FBXO21: variants seen among roughly 807,000 people sequenced by gnomAD.
FBXO21 encodes F-box only protein 21.
In FBXO21, 32 loss-of-function variants were observed where a neutral mutation model predicts 76.6. That is an observed-to-expected ratio of 0.42 (90% CI 0.32 to 0.56). FBXO21 has a LOEUF of 0.56. FBXO21 is among the 20% of genes least tolerant of loss of function. The pLI, the probability that FBXO21 is intolerant of heterozygous loss-of-function variation, is 0.16. For synonymous variants in FBXO21, 328 were observed against 311.5 expected (o/e 1.05, Z -0.56); for missense variants, 586 against 797.3 (o/e 0.73, Z 3.19).
chr12:117,183,939 C>T (rs1244997460), intron 3 of FBXO21, among the ~76,000 whole-genome samples: 6 of 151,972 alleles, frequency 3.9e-5, no homozygotes, highest in Non-Finnish European at 7.4e-5. Context: ...CCATTTTTTC[C>T]CTCTGAGTTT....
intron 9 of FBXO21, among the ~76,000 whole-genome samples, chr12:117,162,489 G>C (rs1955992276): frequency 6.6e-6 from 1 of 152,152 alleles, no homozygotes. Flanking sequence ...CTACCCTATA[G>C]GGCTGCTAAG....
At chr12:117,167,147 T>C in intron 7 of FBXO21, 70 bp from the exon 8 acceptor site, 1 of 1,172,788 alleles carries the variant, frequency 8.5e-7, no homozygotes, top group Non-Finnish European at 1.2e-6. Flanking sequence ...AGTAAGTAGC[T>C]CAAATCATGG....
At position 117,166,990 on chromosome 12, in the gene FBXO21, G is replaced by A. The variant is rs762601208; in HGVS notation, c.1101C>T (p.Ile367=). 8.7e-6 allele frequency: 14 copies of A among 1,613,866 alleles called. No individual in the cohort carries two copies. Among genetic ancestry groups the A allele is most frequent in the African/African-American group, 2.7e-5 (2 of 74,886 alleles). ...ACAGTGCTGCAGTCACGTGCTGGCCGATCAAGTACTCGCATTCTTTCACTG... is the reference window on the plus strand; with the variant it reads ...ACAGTGCTGCAGTCACGTGCTGGCCAATCAAGTACTCGCATTCTTTCACTG... ...QLTVKECEYL[I]GQHVTAALYG... The change falls in exon 8 of 12, where the codon ATC becomes ATT. Residue 367 remains isoleucine (I), a synonymous_variant. Transcript: ENST00000622495.
intron 3 of FBXO21, among the ~76,000 whole-genome samples, chr12:117,183,478 T>C (rs1956255311): frequency 6.6e-6 from 1 of 152,326 alleles, no homozygotes; most frequent in African/African-American, 2.4e-5. Context: ...CAGGCTGGTG[T>C]CGAACTCCTG....
At chr12:117,176,042 C>G (rs565840009) in intron 4 of FBXO21, among the ~76,000 whole-genome samples, 55 of 152,260 alleles carry the variant, frequency 3.6e-4, no homozygotes, top group African/African-American at 1.3e-3. Context: ...TCAACTGAAA[C>G]AGATGTTTCA....
chr12:117,188,446 G>A (rs565013376), intron 2 of FBXO21, among the ~76,000 whole-genome samples: 14 of 152,232 alleles, frequency 9.2e-5, no homozygotes, highest in African/African-American at 3.1e-4. Flanking sequence ...TCGGGAGGCT[G>A]AGACATGAGA....
chr12:117,157,995 C>A lies in FBXO21; in HGVS notation c.1395G>T (p.Val465=). 6.2e-7 allele frequency: 1 copy of A among 1,614,210 alleles called. No homozygotes were observed. Among genetic ancestry groups the A allele is most frequent in the Non-Finnish European group, 8.5e-7 (1 of 1,180,038 alleles). ...GCTCAATGTGCTCTAGAGTGTGCTGCACCAGGTAGCCCACCGCCCCGTGCT... is the reference window on the plus strand; with the variant it reads ...GCTCAATGTGCTCTAGAGTGTGCTGAACCAGGTAGCCCACCGCCCCGTGCT... ...PGQHGAVGYL[V]QHTLEHIERK... is the part of the protein sequence containing the mutation. The change falls in exon 10 of 12, where the codon GTG becomes GTT. Residue 465 remains valine (V), a synonymous_variant. Transcript: ENST00000622495.
chr12:117,158,626 G>A (rs1955943941), intron 9 of FBXO21, among the ~76,000 whole-genome samples: 2 of 152,232 alleles, frequency 1.3e-5, no homozygotes, highest in Non-Finnish European at 1.5e-5. Context: ...CCAAAGGGAT[G>A]CATTCGTTGA....
chr12:117,155,080 A>C (rs1436596707), intron 11 of FBXO21: 2 of 152,246 alleles, frequency 1.3e-5, no homozygotes, highest in African/African-American at 4.8e-5. Flanking sequence ...TTTATTAATA[A>C]ATGTGAATTA....
rs1351460084 is a variant in FBXO21, at chr12:117,163,468, G to A, written c.1326+2017C>T. Among the ~76,000 whole-genome samples, 4 of 152,180 alleles carry A rather than the reference G, an allele frequency of 2.6e-5. No individual in the cohort carries two copies. In the South Asian group the frequency reaches 8.3e-4, roughly 32 times the overall value. ...GGATCACTTGAACCCGGGAGGCAGAGGTGGCAGTGAGCCAAGATTGCGCCA... is the reference window on the plus strand; with the variant it reads ...GGATCACTTGAACCCGGGAGGCAGAAGTGGCAGTGAGCCAAGATTGCGCCA... On this transcript the variant is annotated intron_variant, in intron 9 of 11. Transcript: ENST00000622495.
At chr12:117,186,625 TCAC>T in intron 2 of FBXO21, 54 bp from the exon 3 acceptor site, 2 of 1,103,912 alleles carry the variant, frequency 1.8e-6, no homozygotes, top group Middle Eastern at 2.0e-4. Flanking sequence ...GATGCAACTC[TCAC>T]TCTCACAAAT....
intron 3 of FBXO21, among the ~76,000 whole-genome samples, chr12:117,179,251 T>C (rs1188921096): frequency 6.6e-6 from 1 of 152,232 alleles, no homozygotes; most frequent in African/African-American, 2.4e-5. Flanking sequence ...TTCCTGGATC[T>C]AACACTCTTG....
intron 11 of FBXO21, among the ~76,000 whole-genome samples, chr12:117,152,694 T>C (rs1476746588): frequency 6.6e-6 from 1 of 152,174 alleles, no homozygotes; most frequent in African/African-American, 2.4e-5. Flanking sequence ...ATTTGAAAAC[T>C]ATTAGATATT....
At position 117,145,991 on chromosome 12, in the gene FBXO21, G is replaced by T; in HGVS notation, c.*96C>A. On this transcript the variant is annotated 3_prime_UTR_variant, in exon 12 of 12. Coordinates refer to ENST00000622495, the MANE Select transcript of FBXO21 (RefSeq NM_015002.3). ...CTGGTGGAGTGGCTTTCCTGGTGCA[G>T]CAGGTCCCGAGGGCTCCGTGGAGAC... The T allele has an allele frequency of 1.0e-6, 1 of 997,950 alleles. No individual in the cohort carries two copies. Among genetic ancestry groups the T allele is most frequent in the Non-Finnish European group, 1.4e-6 (1 of 690,142 alleles). The allele number at this position is 997,950 out of a possible 1,614,324, so 61.8% of individuals were successfully genotyped here. A position where few individuals can be genotyped will look rare whatever the true frequency, so the allele number is the denominator to read the frequency against.
At chr12:117,164,572 G>A (rs768615794) in intron 9 of FBXO21, among the ~76,000 whole-genome samples, 2 of 152,100 alleles carry the variant, frequency 1.3e-5, no homozygotes, top group African/African-American at 2.4e-5. Context: ...CACCATGCCC[G>A]GCTGACATCT....
chr12:117,187,569 A>ATT (rs1956296318), intron 2 of FBXO21, among the ~76,000 whole-genome samples: 1 of 152,206 alleles, frequency 6.6e-6, no homozygotes, highest in Non-Finnish European at 1.5e-5. Flanking sequence ...GGGCCAAAGC[A>ATT]ATCACCCACC....
In FBXO21 at chr12:117,143,624, G is replaced by A. The variant is rs1190331396; in HGVS notation, c.*2463C>T. On this transcript the variant is annotated 3_prime_UTR_variant, in exon 12 of 12. Transcript: ENST00000622495. ...GATAAAATTAACGTTTGGCAAGGAGGTCATGGTTTACAGGTAGGCTGTCCG... is the reference window on the plus strand; with the variant it reads ...GATAAAATTAACGTTTGGCAAGGAGATCATGGTTTACAGGTAGGCTGTCCG... The A allele has an allele frequency of 1.3e-5, 2 of 152,460 alleles. No individual in the cohort carries two copies. The highest frequency in any genetic ancestry group is 2.4e-5 in the African/African-American group (1 of 41,436). The allele number at this position is 152,460 out of a possible 1,614,324, so 9.4% of individuals were successfully genotyped here. A position where few individuals can be genotyped will look rare whatever the true frequency, so the allele number is the denominator to read the frequency against.
rs1955921292 is a variant in FBXO21 at position 117,156,830 on chromosome 12, GATACACAGAAGA to G, written c.1518-894_1518-883del. ...TGCAACTTATCGTCATGTAGATACT[GATACACAGAAGA>G]ACAACTACATATCATATTAGGGAGG... On this transcript the variant is annotated intron_variant, in intron 10 of 11. Coordinates refer to ENST00000622495, the MANE Select transcript of FBXO21 (RefSeq NM_015002.3). 2.0e-5 allele frequency among the ~76,000 whole-genome samples: 3 copies of G among 152,196 alleles called. No individual in the cohort carries two copies. In the South Asian group the frequency reaches 6.2e-4, roughly 32 times the overall value.
rs1380013001 is a variant in FBXO21 at position 117,177,616 on chromosome 12, C to T, written c.496G>A (p.Ala166Thr). Residue 166 changes from alanine (A) to threonine (T), a missense_variant, in exon 4 of 12, where the codon GCA becomes ACA. Physicochemically the swap from Ala to Thr is moderately conservative, Grantham distance 58. This residue lies in a region of FBXO21 where 246 missense variants were observed against 356.8 expected (regional missense o/e 0.69). Transcript: ENST00000622495. ...CGCAGGTAGTAAAGAATTTTTTTTG[C>T]GTAGTATTTCCAGGTCAAAGCTTTT... is the stretch of plus-strand genomic sequence containing the variant. ...GRKALTWKYY[A>T]KKILYYLRQQ... 31 of 1,613,340 alleles carry T rather than the reference C, an allele frequency of 1.9e-5. No individual in the cohort carries two copies. The highest frequency in any genetic ancestry group is 6.7e-5 in the East Asian group (3 of 44,844).
Sources: gnomAD v4.1 joint callset for allele counts (sites outside exome capture counted in the v4.1 genomes callset) on GRCh38, gnomAD v4.1.1 for gene constraint, gnomAD v4.1.1 regional missense constraint, MANE v1.5 for transcripts, NCBI Gene and HGNC (gene_info 2026-07-23, HGNC 2026-07-21) for gene names.